Variants in SGCZ observed in about 807,000 individuals in gnomAD.
The protein encoded by SGCZ is sarcoglycan zeta.
A neutral mutation model predicts 41.3 loss-of-function variants in SGCZ; 40 were observed. That is an observed-to-expected ratio of 0.97 (90% CI 0.75 to 1.26). SGCZ has a LOEUF of 1.26. Among genes scored for constraint, SGCZ ranks in the 50% most tolerant of loss-of-function variants. SGCZ has a pLI of 0.00. For synonymous variants in SGCZ, 206 were observed against 137.5 expected (o/e 1.50, Z -3.49); for missense variants, 552 against 369.8 (o/e 1.49, Z -4.04).
intron 1 of SGCZ, among the ~76,000 whole-genome samples, chr8:14,748,160 C>T (rs1799393290): frequency 6.6e-6 from 1 of 152,030 alleles, no homozygotes; most frequent in Non-Finnish European, 1.5e-5. Context: ...GTATTAAGCT[C>T]TTCTAATATA....
intron 2 of SGCZ, among the ~76,000 whole-genome samples, chr8:14,403,195 A>G (rs1799125030): frequency 6.7e-6 from 1 of 150,100 alleles, no homozygotes; most frequent in African/African-American, 2.5e-5. Flanking sequence ...TTGGGCTGAG[A>G]CGATGGGGTT....
chr8:14,187,982 G>C (rs1197143273), intron 4 of SGCZ, among the ~76,000 whole-genome samples: 1 of 152,030 alleles, frequency 6.6e-6, no homozygotes, highest in Non-Finnish European at 1.5e-5. Context: ...GCTTAATAAG[G>C]TTAACAGCTG....
intron 1 of SGCZ, among the ~76,000 whole-genome samples, chr8:14,701,926 A>T (rs1396618512): frequency 1.3e-5 from 2 of 151,906 alleles, no homozygotes; most frequent in African/African-American, 4.8e-5. Context: ...GAACAAACTA[A>T]TAAACCTCCC....
At position 14,927,474 on chromosome 8, in the gene SGCZ, A is replaced by C. The variant is rs148963656; in HGVS notation, c.39+310111T>G. On this transcript the variant is annotated intron_variant, in intron 1 of 7. Coordinates refer to ENST00000382080, the MANE Select transcript of SGCZ (RefSeq NM_139167.4). ...AAAGTGGATTTTACTTATGAGATAC[A>C]AAGTGTAAGGGAGAGAGAGAATAAA... Among the ~76,000 whole-genome samples the C allele has an allele frequency of 4.8e-3, 738 of 152,276 alleles. 5 individuals are homozygous for C. The highest frequency in any genetic ancestry group is 0.017 in the African/African-American group (709 of 41,546).
chr8:14,781,591 A>T (rs1172240743), intron 1 of SGCZ, among the ~76,000 whole-genome samples: 1 of 152,148 alleles, frequency 6.6e-6, no homozygotes, highest in Non-Finnish European at 1.5e-5. Flanking sequence ...ATTATTAAAA[A>T]TTGTTTGGGT....
At chr8:14,951,741 G>A (rs558038666) in intron 1 of SGCZ, among the ~76,000 whole-genome samples, 58 of 152,094 alleles carry the variant, frequency 3.8e-4, no homozygotes, top group Admixed American at 8.5e-4. Context: ...AAGAACATGA[G>A]ATCTTAACTT....
intron 1 of SGCZ, among the ~76,000 whole-genome samples, chr8:14,585,267 T>G (rs958823900): frequency 5.3e-5 from 8 of 152,290 alleles, no homozygotes; most frequent in South Asian, 2.1e-4. Flanking sequence ...AACTTCAGAC[T>G]GTTTTTGTTT....
At chr8:14,945,388 A>G (rs1231279364) in intron 1 of SGCZ, among the ~76,000 whole-genome samples, 1 of 152,100 alleles carries the variant, frequency 6.6e-6, no homozygotes, top group Non-Finnish European at 1.5e-5. Context: ...ATACTCAATT[A>G]TAACTTATAA....
At chr8:14,547,923 T>C (rs1220179874) in intron 2 of SGCZ, among the ~76,000 whole-genome samples, 1 of 152,196 alleles carries the variant, frequency 6.6e-6, no homozygotes, top group African/African-American at 2.4e-5. Context: ...TTGAGATCTT[T>C]TTATGTGTCT....
intron 1 of SGCZ, among the ~76,000 whole-genome samples, chr8:14,953,059 AC>A (rs1800689936): frequency 6.6e-6 from 1 of 152,162 alleles, no homozygotes; most frequent in African/African-American, 2.4e-5. Context: ...CAGGGATAAA[AC>A]AAAATCAGAC....
At chr8:14,183,410 A>G (rs1804795680) in intron 4 of SGCZ, among the ~76,000 whole-genome samples, 1 of 152,208 alleles carries the variant, frequency 6.6e-6, no homozygotes, top group African/African-American at 2.4e-5. Flanking sequence ...TCATGAGGTT[A>G]GTAGAATTTT....
chr8:14,326,860 A>G (rs1034327941), intron 2 of SGCZ, among the ~76,000 whole-genome samples: 9 of 152,188 alleles, frequency 5.9e-5, no homozygotes, highest in African/African-American at 1.7e-4. Flanking sequence ...ACTGGCTCTA[A>G]TAAGTGTGGT....
intron 1 of SGCZ, among the ~76,000 whole-genome samples, chr8:14,909,433 C>G (rs1799217124): frequency 6.6e-6 from 1 of 151,994 alleles, no homozygotes; most frequent in African/African-American, 2.4e-5. Context: ...GAATAGAATT[C>G]TGCCTTTTTA....
chr8:14,428,037 C>T (rs145213006), intron 2 of SGCZ, among the ~76,000 whole-genome samples: 5 of 151,720 alleles, frequency 3.3e-5, no homozygotes, highest in East Asian at 1.9e-4. Flanking sequence ...TGAGCATCTG[C>T]AGATTTTGCT....
chr8:14,133,356 G>C (rs1803098420), intron 5 of SGCZ, among the ~76,000 whole-genome samples: 1 of 152,118 alleles, frequency 6.6e-6, no homozygotes, highest in Non-Finnish European at 1.5e-5. Context: ...CATTAATTCA[G>C]CTTGCATTGT....
At chr8:14,761,927 G>A (rs1799893471) in intron 1 of SGCZ, among the ~76,000 whole-genome samples, 1 of 152,164 alleles carries the variant, frequency 6.6e-6, no homozygotes. Context: ...ACCTTTCCAA[G>A]TGCGTAGAGT....
At chr8:14,261,862 G>C (rs1799679866) in intron 3 of SGCZ, among the ~76,000 whole-genome samples, 1 of 152,144 alleles carries the variant, frequency 6.6e-6, no homozygotes, top group Non-Finnish European at 1.5e-5. Context: ...AAGACGGTCA[G>C]AGGATCTAAA....
chr8:14,126,248 A>G (rs903845651), intron 5 of SGCZ, among the ~76,000 whole-genome samples: 4 of 152,236 alleles, frequency 2.6e-5, no homozygotes, highest in African/African-American at 7.2e-5. Context: ...AATGTCTAAC[A>G]TCCCGAATTT....
chr8:14,484,634 A>G (rs941643896), intron 2 of SGCZ, among the ~76,000 whole-genome samples: 6 of 152,148 alleles, frequency 3.9e-5, no homozygotes, highest in African/African-American at 1.4e-4. Flanking sequence ...TTTAAGAAAT[A>G]TACATTTTTT....
Sources: gnomAD v4.1 joint callset for allele counts (sites outside exome capture counted in the v4.1 genomes callset) on GRCh38, gnomAD v4.1.1 for gene constraint, MANE v1.5 for transcripts, NCBI Gene and HGNC (gene_info 2026-07-23, HGNC 2026-07-21) for gene names.